The following CNTN4 variants were observed in gnomAD, a reference collection of about 807,000 sequenced individuals.
CNTN4 encodes contactin-4.
Under a neutral mutation model 122.5 loss-of-function variants are expected in CNTN4, and 77 were observed. The observed-to-expected ratio is 0.63, with a 90% CI of 0.52 to 0.76. The LOEUF is 0.76. CNTN4 is among the 30% of genes least tolerant of loss of function. The pLI is 0.00. For synonymous variants in CNTN4, 512 were observed against 447.0 expected (o/e 1.15, Z -1.83); for missense variants, 1,256 against 1,259.1 (o/e 1.00, Z 0.04).
intron 4 of CNTN4, among the ~76,000 whole-genome samples, chr3:2,635,111 G>C (rs946753541): frequency 1.3e-5 from 2 of 152,018 alleles, no homozygotes; most frequent in Non-Finnish European, 2.9e-5. Flanking sequence ...CGATGTTGCT[G>C]TATTACACTT....
At chr3:2,773,930 T>C (rs2091211174) in intron 6 of CNTN4, among the ~76,000 whole-genome samples, 1 of 151,944 alleles carries the variant, frequency 6.6e-6, no homozygotes, top group African/African-American at 2.4e-5. Context: ...TGGCTAAGTT[T>C]TATATTTTTA....
chr3:2,367,868 C>A (rs2045461051), intron 3 of CNTN4, among the ~76,000 whole-genome samples: 1 of 152,044 alleles, frequency 6.6e-6, no homozygotes, highest in African/African-American at 2.4e-5. Context: ...CAGCCTTTAA[C>A]CATTTGGCCC....
chr3:3,034,525 G>A lies in CNTN4; in HGVS notation c.1784-107G>A, dbSNP rs539395064. The stretch of plus-strand genomic sequence containing the variant: ...AGGATTTGACAAGTGATGAATCTGT[G>A]AATGGGTAGATAAATGAATGGGTCA... On this transcript the variant is annotated intron_variant, in intron 16 of 24. Coordinates refer to ENST00000418658, the MANE Select transcript of CNTN4 (RefSeq NM_175607.3). 22 of 1,185,954 alleles carry A rather than the reference G, an allele frequency of 1.9e-5. No homozygotes were observed. In the South Asian group the frequency reaches 2.6e-4, roughly 14 times the overall value. The allele number at this position is 1,185,954 out of a possible 1,614,324, so 73.5% of individuals were successfully genotyped here. A position where few individuals can be genotyped will look rare whatever the true frequency, so the allele number is the denominator to read the frequency against.
rs186665232 is a variant in CNTN4, at chr3:2,426,465, G to C, written c.-89+87232G>C. On this transcript the variant is annotated intron_variant, in intron 3 of 24. Coordinates refer to ENST00000418658, the MANE Select transcript of CNTN4 (RefSeq NM_175607.3). ...GCTTTTTGATGTGCTGCTGGATTCG[G>C]TTTGCCAGTATTTTAATGAGTATTT... 8.6e-4 allele frequency among the ~76,000 whole-genome samples: 131 copies of C among 152,232 alleles called. 2 individuals are homozygous for C. The highest frequency in any genetic ancestry group is 1.8e-3 in the Non-Finnish European group (121 of 68,006).
At chr3:2,917,276 G>A (rs2094376924) in intron 12 of CNTN4, among the ~76,000 whole-genome samples, 1 of 152,056 alleles carries the variant, frequency 6.6e-6, no homozygotes. Flanking sequence ...GGCATCAGAG[G>A]GAGACCGTGG....
intron 2 of CNTN4, among the ~76,000 whole-genome samples, chr3:2,102,086 AG>A (rs1168753691): frequency 6.6e-6 from 1 of 152,246 alleles, no homozygotes; most frequent in Non-Finnish European, 1.5e-5. Context: ...ATGTCATCTT[AG>A]ATCTCCCAAA....
At chr3:2,795,589 C>T (rs529354361) in intron 6 of CNTN4, among the ~76,000 whole-genome samples, 5 of 149,872 alleles carry the variant, frequency 3.3e-5, no homozygotes, top group Admixed American at 6.7e-5. Context: ...GGTGCCATCT[C>T]GGCTCAGTGC....
intron 3 of CNTN4, among the ~76,000 whole-genome samples, chr3:2,460,899 T>A (rs1443734554): frequency 3.7e-5 from 3 of 80,072 alleles, no homozygotes; most frequent in African/African-American, 1.4e-4. Flanking sequence ...GAGTGAGAGT[T>A]CTCATGTAGC....
chr3:2,387,141 A>T (rs917828748), intron 3 of CNTN4, among the ~76,000 whole-genome samples: 3 of 152,222 alleles, frequency 2.0e-5, no homozygotes, highest in Non-Finnish European at 4.4e-5. Flanking sequence ...TATAAAACTT[A>T]TCTGATAGTA....
At chr3:2,219,237 C>G (rs1435059749) in intron 2 of CNTN4, among the ~76,000 whole-genome samples, 1 of 152,132 alleles carries the variant, frequency 6.6e-6, no homozygotes, top group Non-Finnish European at 1.5e-5. Context: ...ACACAATCAT[C>G]TTATCTTGGC....
At chr3:2,271,961 G>A (rs889199113) in intron 2 of CNTN4, among the ~76,000 whole-genome samples, 2 of 151,958 alleles carry the variant, frequency 1.3e-5, no homozygotes, top group Non-Finnish European at 2.9e-5. Flanking sequence ...AAGAATATTT[G>A]GAAATATGGA....
At chr3:2,187,504 C>A (rs2037328344) in intron 2 of CNTN4, among the ~76,000 whole-genome samples, 1 of 152,098 alleles carries the variant, frequency 6.6e-6, no homozygotes, top group South Asian at 2.1e-4. Context: ...GGCTGGAGTC[C>A]CTTGGGGGCG....
chr3:2,882,168 G>C (rs1427767681), intron 8 of CNTN4, among the ~76,000 whole-genome samples: 1 of 152,118 alleles, frequency 6.6e-6, no homozygotes. Flanking sequence ...TTGGAGACCA[G>C]CCTGGCCAAC....
chr3:2,674,363 TC>T (rs1318134001), intron 4 of CNTN4, among the ~76,000 whole-genome samples: 2 of 152,172 alleles, frequency 1.3e-5, no homozygotes, highest in Non-Finnish European at 2.9e-5. Context: ...AATGATCAAA[TC>T]AGGGTAATTA....
intron 2 of CNTN4, among the ~76,000 whole-genome samples, chr3:2,242,278 T>A (rs1056303832): frequency 2.6e-5 from 4 of 152,098 alleles, no homozygotes; most frequent in African/African-American, 9.7e-5. Flanking sequence ...CACTACCATG[T>A]CATAGAATGT....
intron 7 of CNTN4, among the ~76,000 whole-genome samples, chr3:2,853,889 T>G (rs1451677134): frequency 2.6e-5 from 4 of 152,220 alleles, no homozygotes. Flanking sequence ...CCCATCTCTA[T>G]GCTGGCCTTG....
At chr3:2,507,974 C>A (rs1019816523) in intron 3 of CNTN4, among the ~76,000 whole-genome samples, 1 of 151,808 alleles carries the variant, frequency 6.6e-6, no homozygotes, top group Non-Finnish European at 1.5e-5. Flanking sequence ...CATATTGCAC[C>A]CTTTTATCTA....
chr3:2,885,827 C>A (rs1050919758), intron 9 of CNTN4, among the ~76,000 whole-genome samples: 1 of 152,134 alleles, frequency 6.6e-6, no homozygotes, highest in African/African-American at 2.4e-5. Flanking sequence ...AGAAAGCTCA[C>A]AAGAGTCTCA....
chr3:2,156,722 G>A (rs1433994624), intron 2 of CNTN4, among the ~76,000 whole-genome samples: 2 of 152,160 alleles, frequency 1.3e-5, no homozygotes, highest in Non-Finnish European at 2.9e-5. Context: ...TCTGGGCAGA[G>A]TTAGGATAAG....
Sources: allele counts gnomAD v4.1 joint callset (sites outside exome capture counted in the v4.1 genomes callset), GRCh38; gene constraint gnomAD v4.1.1; transcripts MANE v1.5; gene names NCBI Gene and HGNC (gene_info 2026-07-23, HGNC 2026-07-21).